GLIS3: variants seen among roughly 807,000 people sequenced by gnomAD.
GLIS3 encodes GLIS family zinc finger 3, also known as zinc finger protein GLIS3.
A neutral mutation model predicts 78.6 loss-of-function variants in GLIS3; 53 were observed. That is an observed-to-expected ratio of 0.67 (90% CI 0.54 to 0.85). GLIS3 has a LOEUF of 0.85. Ranked by LOEUF, GLIS3 falls within the 40% of genes least tolerant of loss-of-function variation. GLIS3 has a pLI of 0.00. For synonymous variants in GLIS3, 684 were observed against 509.9 expected (o/e 1.34, Z -4.60); for missense variants, 1,703 against 1,231.1 (o/e 1.38, Z -5.74).
intron 6 of GLIS3, among the ~76,000 whole-genome samples, chr9:3,925,711 T>G (rs930201170): frequency 6.6e-6 from 1 of 152,104 alleles, no homozygotes; most frequent in East Asian, 1.9e-4. Context: ...ACTTAAACAA[T>G]TGGGAAAATA....
intron 2 of GLIS3, among the ~76,000 whole-genome samples, chr9:4,257,685 T>C (rs1407749680): frequency 6.6e-6 from 1 of 151,922 alleles, no homozygotes; most frequent in Non-Finnish European, 1.5e-5. Context: ...GCCATTCCCC[T>C]GCCTCAGCCT....
chr9:4,395,573 C>T, the GLIS3 span, among the ~76,000 whole-genome samples: 1 of 152,130 alleles, frequency 6.6e-6, no homozygotes, highest in African/African-American at 2.4e-5. Flanking sequence ...TGATACCTCT[C>T]CTTCGTCCCT....
intron 6 of GLIS3, among the ~76,000 whole-genome samples, chr9:3,928,861 A>T (rs77989751): frequency 2.4e-4 from 37 of 152,352 alleles, no homozygotes; most frequent in African/African-American, 8.2e-4. Flanking sequence ...GAAATGGATG[A>T]AAGATTCATG....
intron 7 of GLIS3, among the ~76,000 whole-genome samples, chr9:3,897,401 GACAC>G (rs1343134741): frequency 6.6e-6 from 1 of 151,920 alleles, no homozygotes; most frequent in African/African-American, 2.4e-5. Flanking sequence ...GAACAAATCA[GACAC>G]ACAAAAACAA....
chr9:4,193,924 TA>T lies in GLIS3; in HGVS notation c.389-67984del, dbSNP rs544192931. Among the ~76,000 whole-genome samples the T allele has an allele frequency of 5.9e-5, 9 of 152,394 alleles. No individual in the cohort carries two copies. The East Asian group carries it at 1.7e-3, about 29-fold the overall frequency. ...ATGAACATTTTGACCAATCATGTGGTAAGCGTGCTTAACAACCAGATGTTGT... is the reference window on the plus strand; with the variant it reads ...ATGAACATTTTGACCAATCATGTGGTAGCGTGCTTAACAACCAGATGTTGT... On this transcript the variant is annotated intron_variant, in intron 2 of 10. Coordinates refer to ENST00000381971, the MANE Select transcript of GLIS3 (RefSeq NM_001042413.2).
intron 2 of GLIS3, among the ~76,000 whole-genome samples, chr9:4,323,350 T>A (rs1032962020): frequency 1.3e-5 from 2 of 152,220 alleles, no homozygotes; most frequent in Non-Finnish European, 2.9e-5. Context: ...TGTTCCCTTT[T>A]CCTTGCTTTT....
the GLIS3 span, among the ~76,000 whole-genome samples, chr9:4,392,180 C>T: frequency 2.0e-5 from 3 of 151,338 alleles, no homozygotes; most frequent in Non-Finnish European, 4.4e-5. Flanking sequence ...TCTCACTCAT[C>T]GCTGAACGAT....
chr9:4,085,875 G>A (rs1444920402), intron 4 of GLIS3, among the ~76,000 whole-genome samples: 1 of 152,162 alleles, frequency 6.6e-6, no homozygotes, highest in South Asian at 2.1e-4. Flanking sequence ...AGAAGCACAT[G>A]CCACTATGCT....
chr9:4,298,129 G>T (rs988868469), intron 1 of GLIS3, among the ~76,000 whole-genome samples: 1 of 152,124 alleles, frequency 6.6e-6, no homozygotes, highest in Non-Finnish European at 1.5e-5. Context: ...TGAGTCGGGG[G>T]CCGAAAGGGT....
chr9:4,393,215 T>A, the GLIS3 span, among the ~76,000 whole-genome samples: 1 of 152,228 alleles, frequency 6.6e-6, no homozygotes, highest in Admixed American at 6.5e-5. Context: ...CATACCTGTA[T>A]GTCTCTCTCT....
At chr9:4,133,009 G>A (rs1414740661) in intron 2 of GLIS3, among the ~76,000 whole-genome samples, 1 of 152,122 alleles carries the variant, frequency 6.6e-6, no homozygotes, top group Non-Finnish European at 1.5e-5. Flanking sequence ...ATGCCTCACT[G>A]CCTCTAAGCA....
intron 4 of GLIS3, among the ~76,000 whole-genome samples, chr9:3,955,318 AAGTC>A (rs1343824843): frequency 6.6e-6 from 1 of 152,194 alleles, no homozygotes; most frequent in Non-Finnish European, 1.5e-5. Flanking sequence ...TTAAAGAAAA[AAGTC>A]AGACAGTTTC....
chr9:4,145,603 C>CCGA (rs1554715503), intron 2 of GLIS3, among the ~76,000 whole-genome samples: 2 of 152,166 alleles, frequency 1.3e-5, no homozygotes, highest in Non-Finnish European at 2.9e-5. Context: ...GGCATGAACA[C>CCGA]CGACTTTTAC....
intron 4 of GLIS3, among the ~76,000 whole-genome samples, chr9:4,109,841 G>C (rs1389342410): frequency 6.6e-6 from 1 of 152,102 alleles, no homozygotes; most frequent in Admixed American, 6.6e-5. Flanking sequence ...ATTTCATATG[G>C]TGCTGTGCAG....
intron 2 of GLIS3, among the ~76,000 whole-genome samples, chr9:4,267,155 G>A (rs917106156): frequency 1.3e-5 from 2 of 152,084 alleles, no homozygotes; most frequent in African/African-American, 2.4e-5. Context: ...ACACACCCAT[G>A]TCCCCTTCCT....
At chr9:3,927,341 T>G (rs1195201151) in intron 6 of GLIS3, among the ~76,000 whole-genome samples, 1 of 152,226 alleles carries the variant, frequency 6.6e-6, no homozygotes, top group East Asian at 1.9e-4. Context: ...CCAAATAATT[T>G]TGAGCAACGC....
At chr9:4,340,906 G>C (rs1007460309) in intron 2 of GLIS3, among the ~76,000 whole-genome samples, 1 of 152,130 alleles carries the variant, frequency 6.6e-6, no homozygotes, top group African/African-American at 2.4e-5. Context: ...ATGTTGGCCA[G>C]GCTGGTCTCA....
At chr9:4,226,682 G>C (rs1043107961) in intron 2 of GLIS3, among the ~76,000 whole-genome samples, 2 of 152,208 alleles carry the variant, frequency 1.3e-5, no homozygotes, top group African/African-American at 4.8e-5. Context: ...TCCTTAGCTG[G>C]CTACTCCTTA....
At chr9:4,407,610 G>T in the GLIS3 span, among the ~76,000 whole-genome samples, 1 of 152,184 alleles carries the variant, frequency 6.6e-6, no homozygotes, top group South Asian at 2.1e-4. Flanking sequence ...TCTCGCCACC[G>T]CACTCCAGCC....
Sources: gnomAD v4.1 joint callset for allele counts (sites outside exome capture counted in the v4.1 genomes callset) on GRCh38, gnomAD v4.1.1 for gene constraint, MANE v1.5 for transcripts, NCBI Gene and HGNC (gene_info 2026-07-23, HGNC 2026-07-21) for gene names.